MMEL1: variants seen among roughly 807,000 people sequenced by gnomAD.
The protein encoded by MMEL1 is membrane metallo-endopeptidase-like 1.
MMEL1 carries 98 observed loss-of-function variants against 117.1 expected under a neutral mutation model. The observed-to-expected ratio is 0.84, with a 90% CI of 0.71 to 0.99. MMEL1 has a LOEUF of 0.99. Among genes scored for constraint, MMEL1 ranks in the 50% least tolerant of loss-of-function variants. MMEL1 has a pLI of 0.00. For missense variants in MMEL1, 1,014 were observed against 1,049.1 expected (o/e 0.97, Z 0.46); for synonymous variants, 390 against 415.1 (o/e 0.94, Z 0.74).
Position 2,593,402 on chromosome 1 carries a change from C to T in MMEL1, c.1867+412G>A, listed in dbSNP as rs115003973. Among the ~76,000 whole-genome samples the T allele has an allele frequency of 7.4e-3, 1,123 of 152,354 alleles. 8 individuals carry two copies. The highest frequency in any genetic ancestry group is 0.014 in the Middle Eastern group (4 of 294). ...CCCCTGTCCCAGGCAGGGCAGTCCC[C>T]ACCGAGGGGCGGAGGTCAGCATGGC... On this transcript the variant is annotated intron_variant, in intron 19 of 23. Transcript: ENST00000378412.
At chr1:2,593,750 C>T (rs972526878) in intron 19 of MMEL1, 64 bp downstream of exon 19, 1 of 1,507,712 alleles carries the variant, frequency 6.6e-7, no homozygotes. Context: ...GCCCCCAGGC[C>T]CCTTCCTGGC....
At chr1:2,610,907 C>T (rs920980341) in intron 4 of MMEL1, among the ~76,000 whole-genome samples, 2 of 152,238 alleles carry the variant, frequency 1.3e-5, no homozygotes, top group African/African-American at 4.8e-5. Flanking sequence ...CAGTTTTTGT[C>T]ATCTGCAAAT....
At position 2,609,389 on chromosome 1, in the gene MMEL1, CG is replaced by C. The variant is rs770586886; in HGVS notation, c.484del (p.Arg162GlyfsTer15). ...AVLENSTAKDRPAVEKARTLY... is the reference protein window; with the variant it reads ...AVLENSTAKDXPAVEKARTLY... Reference sequence around the variant, plus strand: ...CGTCCTGGCCTTCTCCACAGCCGGCCGGTCCTTGGCAGTCGAATTCTCCAGC... The same window carrying C: ...CGTCCTGGCCTTCTCCACAGCCGGCCGTCCTTGGCAGTCGAATTCTCCAGC... On this transcript the variant is annotated frameshift_variant, in exon 6 of 24. Transcript: ENST00000378412. LOFTEE classifies it high-confidence loss of function. 28 of 1,611,928 alleles carry C rather than the reference CG, an allele frequency of 1.7e-5. No individual in the cohort carries two copies. The highest frequency in any genetic ancestry group is 2.2e-5 in the Non-Finnish European group (26 of 1,179,490).
intron 9 of MMEL1, 72 bp from the exon 10 acceptor site, chr1:2,604,353 G>C (rs774329792): frequency 2.5e-6 from 4 of 1,582,990 alleles, no homozygotes; most frequent in South Asian, 2.3e-5. Context: ...TTCTGTGGGG[G>C]TGGGGTGGGC....
intron 11 of MMEL1, among the ~76,000 whole-genome samples, chr1:2,602,488 A>G (rs1644948519): frequency 6.6e-6 from 1 of 152,058 alleles, no homozygotes; most frequent in Admixed American, 6.6e-5. Flanking sequence ...TTCCAAAATC[A>G]ACCCCAAAGC....
chr1:2,606,183 G>T, intron 8 of MMEL1, 65 bp downstream of exon 8: 1 of 1,315,890 alleles, frequency 7.6e-7, no homozygotes. Context: ...CTTCTGCTGT[G>T]CTGCAAGAGC....
chr1:2,627,180 G>A lies in MMEL1; in HGVS notation c.154+2151C>T, dbSNP rs57153775. Among the ~76,000 whole-genome samples, 981 of 152,342 alleles carry A rather than the reference G, an allele frequency of 6.4e-3. 18 individuals carry two copies. Among genetic ancestry groups the A allele is most frequent in the African/African-American group, 0.022 (923 of 41,574 alleles). The stretch of plus-strand genomic sequence containing the variant: ...TGAAAGATATATTAACTTCATATGT[G>A]TATCTTACTACAATATTAAATTTAT... On this transcript the variant is annotated intron_variant, in intron 2 of 23. Transcript: ENST00000378412.
At position 2,595,239 on chromosome 1, in the gene MMEL1, T is replaced by G; in HGVS notation, c.1584+37A>C. 1 of 1,563,036 alleles carries G rather than the reference T, an allele frequency of 6.4e-7. No homozygotes were observed. The highest frequency in any genetic ancestry group is 1.1e-5 in the South Asian group (1 of 89,560). On this transcript the variant is annotated intron_variant, in intron 16 of 23. Coordinates refer to ENST00000378412, the MANE Select transcript of MMEL1 (RefSeq NM_033467.4). The surrounding 1 kb of genome is among the most constrained non-coding windows in gnomAD (Gnocchi z 4.8). ...AGGCAATCAGGGCCCATGTCCACGG[T>G]GTGGGGGGCAGTTTAGGGCTGGGGT...
At chr1:2,592,174 T>G (rs1411528133) in intron 21 of MMEL1, 147 bp from the exon 22 acceptor site, 1 of 659,648 alleles carries the variant, frequency 1.5e-6, no homozygotes. Flanking sequence ...ACCCCACGGA[T>G]GAGCGCTCAC....
intron 11 of MMEL1, among the ~76,000 whole-genome samples, chr1:2,603,227 C>G (rs1390440213): frequency 6.6e-6 from 1 of 152,182 alleles, no homozygotes; most frequent in Admixed American, 6.5e-5. Context: ...GGCTTTGGAC[C>G]CCCTTCTGCC....
chr1:2,621,539 G>A (rs192179750), intron 2 of MMEL1, among the ~76,000 whole-genome samples: 1 of 151,704 alleles, frequency 6.6e-6, no homozygotes, highest in African/African-American at 2.4e-5. Context: ...CCTACTTGGA[G>A]TTGTCCCACC....
intron 9 of MMEL1, 51 bp from the exon 10 acceptor site, chr1:2,604,332 C>T: frequency 6.3e-7 from 1 of 1,598,870 alleles, no homozygotes; most frequent in Non-Finnish European, 8.5e-7. Context: ...CACCATGGCC[C>T]CCAGGGAGTT....
intron 11 of MMEL1, among the ~76,000 whole-genome samples, chr1:2,599,511 A>G (rs893793321): frequency 6.6e-6 from 1 of 152,270 alleles, no homozygotes; most frequent in African/African-American, 2.4e-5. Flanking sequence ...CAGATGCAGA[A>G]AAAGCATTTG....
intron 12 of MMEL1, 31 bp downstream of exon 12, chr1:2,598,623 G>A (rs371088223): frequency 1.9e-6 from 3 of 1,612,450 alleles, no homozygotes; most frequent in Non-Finnish European, 2.5e-6. Context: ...CAAAGATGCT[G>A]AGGCCTTTGG....
At chr1:2,592,285 C>T (rs1439227525) in intron 21 of MMEL1, among the ~76,000 whole-genome samples, 1 of 149,726 alleles carries the variant, frequency 6.7e-6, no homozygotes, top group Non-Finnish European at 1.5e-5. Flanking sequence ...CCCCTGACGC[C>T]CCCTCCCCTG....
intron 19 of MMEL1, 36 bp downstream of exon 19, chr1:2,593,778 G>A: frequency 6.4e-7 from 1 of 1,561,060 alleles, no homozygotes; most frequent in Non-Finnish European, 8.7e-7. Context: ...CCGCGGAGAG[G>A]GGAGGGCGTG....
At chr1:2,618,602 A>T (rs895415332) in intron 2 of MMEL1, among the ~76,000 whole-genome samples, 1 of 152,206 alleles carries the variant, frequency 6.6e-6, no homozygotes, top group Non-Finnish European at 1.5e-5. Flanking sequence ...ACGGCTTGTC[A>T]TGCCATTGCC....
intron 6 of MMEL1, 22 bp from the exon 7 acceptor site, chr1:2,607,091 A>G: frequency 6.3e-7 from 1 of 1,599,914 alleles, no homozygotes; most frequent in Non-Finnish European, 8.5e-7. Flanking sequence ...CGCAGTGGTC[A>G]CTCTCCCAGC....
chr1:2,592,131 T>G (rs1267346153), intron 21 of MMEL1, 104 bp from the exon 22 acceptor site: 4 of 887,804 alleles, frequency 4.5e-6, no homozygotes, highest in Non-Finnish European at 7.0e-6. Flanking sequence ...CCTACCCCTG[T>G]GGGGGTCCTG....
Sources: gnomAD v4.1 joint callset for allele counts (sites outside exome capture counted in the v4.1 genomes callset) on GRCh38, gnomAD v4.1.1 for gene constraint, Gnocchi (gnomAD v3.1) non-coding constraint, MANE v1.5 for transcripts, NCBI Gene and HGNC (gene_info 2026-07-23, HGNC 2026-07-21) for gene names.